Variants in ZFPM2 observed in about 807,000 individuals in gnomAD.
ZFPM2 encodes the protein zinc finger protein, FOG family member 2.
In ZFPM2, 20 loss-of-function variants were observed where a neutral mutation model predicts 98.6. That is an observed-to-expected ratio of 0.20 (90% CI 0.14 to 0.29). The LOEUF (loss-of-function observed/expected upper bound fraction) is 0.29, where lower values mean the gene tolerates loss of function less well. Among genes scored for constraint, ZFPM2 ranks in the 10% least tolerant of loss-of-function variants. The pLI is 1.00. For missense variants in ZFPM2, 1,310 were observed against 1,388.6 expected (o/e 0.94, Z 0.90); for synonymous variants, 518 against 502.7 (o/e 1.03, Z -0.41).
At chr8:105,577,677 T>A (rs1190764442) in intron 4 of ZFPM2, among the ~76,000 whole-genome samples, 1 of 151,888 alleles carries the variant, frequency 6.6e-6, no homozygotes, top group Non-Finnish European at 1.5e-5. Flanking sequence ...TGTAGAGCAT[T>A]TCATCTGTAG....
At chr8:105,582,946 TGA>T (rs1194399812) in intron 4 of ZFPM2, among the ~76,000 whole-genome samples, 1 of 152,184 alleles carries the variant, frequency 6.6e-6, no homozygotes, top group Non-Finnish European at 1.5e-5. Context: ...GCAAATACTG[TGA>T]CTGTCTATGT....
chr8:105,648,741 C>G (rs1220868630), intron 5 of ZFPM2, among the ~76,000 whole-genome samples: 2 of 152,146 alleles, frequency 1.3e-5, no homozygotes, highest in East Asian at 3.9e-4. Flanking sequence ...GTCTGTATCT[C>G]TGTTTTGGTA....
At chr8:105,560,169 C>CA (rs34623592) in intron 3 of ZFPM2, among the ~76,000 whole-genome samples, 1,637 of 67,238 alleles carry the variant, frequency 0.024, 19 homozygotes, top group Middle Eastern at 0.042. Context: ...AACTCTGTCT[C>CA]AAAAAAAAAA....
chr8:105,724,598 C>T (rs1161630925), intron 5 of ZFPM2, among the ~76,000 whole-genome samples: 1 of 151,846 alleles, frequency 6.6e-6, no homozygotes, highest in Non-Finnish European at 1.5e-5. Context: ...ACCAACACTT[C>T]AGCTCAGCAC....
At chr8:105,419,873 T>C (rs1293628451) in intron 2 of ZFPM2, among the ~76,000 whole-genome samples, 1 of 151,910 alleles carries the variant, frequency 6.6e-6, no homozygotes, top group African/African-American at 2.4e-5. Context: ...TTGAGACATA[T>C]CACAGCTTAT....
chr8:105,521,977 A>T (rs1469362649), intron 3 of ZFPM2, among the ~76,000 whole-genome samples: 1 of 152,382 alleles, frequency 6.6e-6, no homozygotes, highest in Middle Eastern at 3.4e-3. Context: ...ACTAGGTTAT[A>T]TAATAGTGTA....
chr8:105,485,014 G>A lies in ZFPM2; in HGVS notation c.301+40633G>A, dbSNP rs113255712. On this transcript the variant is annotated intron_variant, in intron 3 of 7. Coordinates refer to ENST00000407775, the MANE Select transcript of ZFPM2 (RefSeq NM_012082.4). ...TGGGCCAATGCTGACATTCTTTCAG[G>A]AAGAACATGTGTAATTTACCTCTTA... Among the ~76,000 whole-genome samples, 1,127 of 152,268 alleles carry A rather than the reference G, an allele frequency of 7.4e-3. 12 individuals carry two copies. Among genetic ancestry groups the A allele is most frequent in the African/African-American group, 0.025 (1,054 of 41,542 alleles).
At chr8:105,569,621 G>C (rs1272273470) in intron 4 of ZFPM2, among the ~76,000 whole-genome samples, 1 of 152,210 alleles carries the variant, frequency 6.6e-6, no homozygotes, top group Admixed American at 6.5e-5. Flanking sequence ...TAATTTCGGT[G>C]TAAGATTTGC....
chr8:105,407,876 A>G (rs577417813), intron 1 of ZFPM2, among the ~76,000 whole-genome samples: 1 of 152,064 alleles, frequency 6.6e-6, no homozygotes, highest in East Asian at 1.9e-4. Flanking sequence ...CCTGCATATG[A>G]TGCCATATAG....
intron 3 of ZFPM2, among the ~76,000 whole-genome samples, chr8:105,445,617 T>C (rs1252501605): frequency 2.6e-5 from 4 of 152,042 alleles, no homozygotes; most frequent in Non-Finnish European, 5.9e-5. Context: ...GTTCCTTTTT[T>C]TTTTTGAGAC....
intron 4 of ZFPM2, among the ~76,000 whole-genome samples, chr8:105,614,453 A>T (rs1209926612): frequency 6.6e-6 from 1 of 152,098 alleles, no homozygotes; most frequent in African/African-American, 2.4e-5. Flanking sequence ...CTGTAACAGG[A>T]TCCTAAAAAT....
At chr8:105,572,427 A>G (rs1815377818) in intron 4 of ZFPM2, among the ~76,000 whole-genome samples, 1 of 152,114 alleles carries the variant, frequency 6.6e-6, no homozygotes, top group Non-Finnish European at 1.5e-5. Flanking sequence ...TCTCTTGGAG[A>G]TTAACATATT....
intron 1 of ZFPM2, among the ~76,000 whole-genome samples, chr8:105,327,192 A>G (rs1390120747): frequency 6.6e-6 from 1 of 151,642 alleles, no homozygotes; most frequent in African/African-American, 2.4e-5. Context: ...ATTGCATAGG[A>G]AGATTTCTTG....
chr8:105,330,742 C>A (rs1275765812), intron 1 of ZFPM2, among the ~76,000 whole-genome samples: 2 of 148,836 alleles, frequency 1.3e-5, no homozygotes, highest in Non-Finnish European at 3.0e-5. Flanking sequence ...CTTTACTGAT[C>A]TTGTTTTGAT....
intron 1 of ZFPM2, among the ~76,000 whole-genome samples, chr8:105,330,599 T>TATATAC (rs1554595008): frequency 1.8e-4 from 7 of 39,924 alleles, no homozygotes; most frequent in African/African-American, 5.6e-4. Context: ...TATATACATA[T>TATATAC]ATATATATAT....
At chr8:105,429,894 G>A (rs1227185984) in intron 2 of ZFPM2, among the ~76,000 whole-genome samples, 1 of 152,076 alleles carries the variant, frequency 6.6e-6, no homozygotes, top group Admixed American at 6.5e-5. Flanking sequence ...ACTGTTAATT[G>A]TCAAATGTAT....
intron 3 of ZFPM2, among the ~76,000 whole-genome samples, chr8:105,559,496 A>C (rs1815079753): frequency 6.6e-6 from 1 of 152,170 alleles, no homozygotes; most frequent in Admixed American, 6.6e-5. Context: ...AAGAAGGGTG[A>C]ATGAAAGTGT....
At chr8:105,670,007 C>T (rs912378539) in intron 5 of ZFPM2, 3 of 152,090 alleles carry the variant, frequency 2.0e-5, no homozygotes, top group Non-Finnish European at 2.9e-5. Context: ...GTGACATTAG[C>T]GAAGAATGAC....
intron 4 of ZFPM2, among the ~76,000 whole-genome samples, chr8:105,578,233 C>A (rs1815510343): frequency 6.6e-6 from 1 of 151,990 alleles, no homozygotes; most frequent in Non-Finnish European, 1.5e-5. Flanking sequence ...GAATGGGCAG[C>A]CTACCATTTT....
Sources: gnomAD v4.1 joint callset for allele counts (sites outside exome capture counted in the v4.1 genomes callset) on GRCh38, gnomAD v4.1.1 for gene constraint, MANE v1.5 for transcripts, NCBI Gene and HGNC (gene_info 2026-07-23, HGNC 2026-07-21) for gene names.